The following JARID2 variants were observed in gnomAD, a reference collection of about 807,000 sequenced individuals.
The protein encoded by JARID2 is jumonji and AT-rich interaction domain containing 2, also known as protein Jumonji.
In JARID2, 21 loss-of-function variants were observed where a neutral mutation model predicts 125.6. That is an observed-to-expected ratio of 0.17 (90% CI 0.12 to 0.24). The LOEUF (loss-of-function observed/expected upper bound fraction) is 0.24. JARID2 is among the 10% of genes least tolerant of loss of function. JARID2 has a pLI of 1.00. For synonymous variants in JARID2, 736 were observed against 661.6 expected (o/e 1.11, Z -1.73); for missense variants, 1,303 against 1,639.6 (o/e 0.79, Z 3.55).
intron 2 of JARID2, chr6:15,401,049 T>C (rs753945528): frequency 4.7e-6 from 6 of 1,289,328 alleles, no homozygotes; most frequent in African/African-American, 4.5e-5. Context: ...ACAAACCAAA[T>C]AGCTCTAGAT....
rs1759182489 is a variant in JARID2, at chr6:15,246,304, A to G, written c.-236A>G. The G allele has an allele frequency of 5.2e-6, 3 of 573,420 alleles. No individual in the cohort carries two copies. Among genetic ancestry groups the G allele is most frequent in the Non-Finnish European group, 9.2e-6 (3 of 326,044 alleles). 35.5% of individuals were successfully genotyped at this position (573,420 alleles called of 1,614,324 possible). A position where few individuals can be genotyped will look rare whatever the true frequency, so the allele number is the denominator to read the frequency against. ...AATTTTCCATTATGAGTGTTTTACTAAAGTGAATTTTTTTTTGTTTGCTTC... is the reference window on the plus strand; with the variant it reads ...AATTTTCCATTATGAGTGTTTTACTGAAGTGAATTTTTTTTTGTTTGCTTC... On this transcript the variant is annotated 5_prime_UTR_variant, in exon 1 of 18. Transcript: ENST00000341776.
intron 1 of JARID2, among the ~76,000 whole-genome samples, chr6:15,255,229 C>T (rs1310607585): frequency 6.7e-6 from 1 of 148,468 alleles, no homozygotes; most frequent in Non-Finnish European, 1.5e-5. Flanking sequence ...CTCATCCTCT[C>T]GAGTAGCTGG....
intron 1 of JARID2, among the ~76,000 whole-genome samples, chr6:15,334,066 A>C (rs1243537009): frequency 6.6e-6 from 1 of 152,214 alleles, no homozygotes; most frequent in East Asian, 1.9e-4. Flanking sequence ...TGCTCAGTAC[A>C]TGCAGAGGTG....
intron 1 of JARID2, among the ~76,000 whole-genome samples, chr6:15,253,325 AGTGTTGGAATTACAGGC>A (rs1374427686): frequency 6.6e-6 from 1 of 152,068 alleles, no homozygotes; most frequent in African/African-American, 2.4e-5. Flanking sequence ...AGCCTCCCAA[AGTGTTGGAATTACAGGC>A]GTGAGCCACC....
intron 1 of JARID2, among the ~76,000 whole-genome samples, chr6:15,323,412 T>C (rs2127444263): frequency 6.6e-6 from 1 of 152,298 alleles, no homozygotes; most frequent in South Asian, 2.1e-4. Context: ...TCTTCATAGA[T>C]ATGTGGCTTG....
At chr6:15,351,822 A>G (rs746894597) in intron 1 of JARID2, among the ~76,000 whole-genome samples, 8 of 152,252 alleles carry the variant, frequency 5.3e-5, no homozygotes, top group African/African-American at 1.4e-4. Flanking sequence ...GCAGGGAGCA[A>G]TGGCCTGAGT....
intron 2 of JARID2, among the ~76,000 whole-genome samples, chr6:15,378,062 T>A (rs1168197588): frequency 6.6e-6 from 1 of 151,916 alleles, no homozygotes; most frequent in African/African-American, 2.4e-5. Flanking sequence ...TTTTTTTGTG[T>A]ATTTTTAGTA....
At chr6:15,403,829 C>T (rs1179254524) in intron 2 of JARID2, among the ~76,000 whole-genome samples, 1 of 152,012 alleles carries the variant, frequency 6.6e-6, no homozygotes, top group African/African-American at 2.4e-5. Flanking sequence ...TTAAATATAA[C>T]AAAAATATGT....
chr6:15,248,309 C>T (rs1238015720), intron 1 of JARID2, among the ~76,000 whole-genome samples: 1 of 145,900 alleles, frequency 6.9e-6, no homozygotes, highest in African/African-American at 2.5e-5. Context: ...ACTCCGGGCT[C>T]TAGGCGGGCG....
intron 3 of JARID2, among the ~76,000 whole-genome samples, chr6:15,441,711 G>A (rs1032087987): frequency 5.3e-4 from 81 of 152,110 alleles, no homozygotes; most frequent in African/African-American, 1.9e-3. Context: ...ACTCCATCTG[G>A]TATGATATTT....
intron 1 of JARID2, among the ~76,000 whole-genome samples, chr6:15,355,097 G>C (rs1465601233): frequency 6.6e-6 from 1 of 152,196 alleles, no homozygotes; most frequent in Non-Finnish European, 1.5e-5. Context: ...GTCATGCAAA[G>C]GGTAGGAGGA....
At chr6:15,499,860 C>T (rs778264757) in intron 7 of JARID2, among the ~76,000 whole-genome samples, 5 of 152,214 alleles carry the variant, frequency 3.3e-5, no homozygotes, top group Middle Eastern at 3.4e-3. Flanking sequence ...GCTGGGAACT[C>T]GCTCTCTGTG....
chr6:15,487,192 G>T, intron 5 of JARID2, 115 bp from the exon 6 acceptor site: 1 of 816,246 alleles, frequency 1.2e-6, no homozygotes, highest in South Asian at 1.7e-5. Flanking sequence ...CTAACACATG[G>T]GGATTACAGT....
intron 7 of JARID2, among the ~76,000 whole-genome samples, chr6:15,498,079 G>A (rs1770553941): frequency 6.6e-6 from 1 of 152,182 alleles, no homozygotes; most frequent in Non-Finnish European, 1.5e-5. Flanking sequence ...CTGGAGGTCA[G>A]GGCTTCAACA....
At chr6:15,422,985 CTTTTTTT>C (rs375223254) in intron 3 of JARID2, among the ~76,000 whole-genome samples, 7 of 125,922 alleles carry the variant, frequency 5.6e-5, no homozygotes, top group Admixed American at 2.5e-4. Context: ...GTAGCCTAGT[CTTTTTTT>C]TTTTTTTTTT....
At chr6:15,511,479 G>A (rs781349459) in intron 13 of JARID2, 78 bp downstream of exon 13, 2 of 969,106 alleles carry the variant, frequency 2.1e-6, no homozygotes, top group South Asian at 1.3e-5. Context: ...CCATGAACCC[G>A]CCTTTCAAAG....
At chr6:15,268,813 G>A (rs1374902196) in intron 1 of JARID2, among the ~76,000 whole-genome samples, 4 of 152,140 alleles carry the variant, frequency 2.6e-5, no homozygotes, top group Non-Finnish European at 4.4e-5. Context: ...CCTTTTCACA[G>A]CATCTCTCAT....
chr6:15,417,002 G>A (rs1394054678), intron 3 of JARID2, among the ~76,000 whole-genome samples: 1 of 151,778 alleles, frequency 6.6e-6, no homozygotes, highest in Non-Finnish European at 1.5e-5. Flanking sequence ...TTTGTTTGAG[G>A]AATGAAACGA....
chr6:15,518,240 G>C (rs1188875613), intron 17 of JARID2, among the ~76,000 whole-genome samples: 3 of 152,178 alleles, frequency 2.0e-5, no homozygotes, highest in Non-Finnish European at 4.4e-5. Flanking sequence ...GGCACGGGGA[G>C]GCTTCCTCTG....
Sources: gnomAD v4.1 joint callset for allele counts (sites outside exome capture counted in the v4.1 genomes callset) on GRCh38, gnomAD v4.1.1 for gene constraint, MANE v1.5 for transcripts, NCBI Gene and HGNC (gene_info 2026-07-23, HGNC 2026-07-21) for gene names.